Variants in LARS1 observed in about 807,000 individuals in gnomAD.
The protein encoded by LARS1 is leucine--tRNA ligase, cytoplasmic.
In LARS1, 100 loss-of-function variants were observed where a neutral mutation model predicts 162.8. The observed-to-expected ratio is 0.61, with a 90% CI of 0.52 to 0.73. LARS1 has a LOEUF of 0.73. Ranked by LOEUF, LARS1 falls within the 30% of genes least tolerant of loss-of-function variation. The pLI is 0.00. For synonymous variants in LARS1, 457 were observed against 462.8 expected (o/e 0.99, Z 0.16); for missense variants, 1,258 against 1,408.9 (o/e 0.89, Z 1.71).
chr5:146,163,541 C>G (rs973342045), intron 6 of LARS1, among the ~76,000 whole-genome samples: 3 of 152,036 alleles, frequency 2.0e-5, no homozygotes, highest in Non-Finnish European at 4.4e-5. Context: ...CAAAAATTAG[C>G]CAGGCGTGTT....
rs1418313474 is a variant in LARS1, at chr5:146,159,406, C to A, written c.771+1G>T. The A allele has an allele frequency of 1.9e-6, 3 of 1,606,248 alleles. No individual in the cohort carries two copies. The highest frequency in any genetic ancestry group is 2.6e-6 in the Non-Finnish European group (3 of 1,173,120). Reference sequence around the variant, plus strand: ...AGCTACTCTGTCTCACAAATAATCACCTCTCCAGTTTGTCTATCATGATCC... The same window carrying A: ...AGCTACTCTGTCTCACAAATAATCAACTCTCCAGTTTGTCTATCATGATCC... On this transcript the variant is annotated splice_donor_variant, in intron 8 of 31. Coordinates refer to ENST00000394434, the MANE Select transcript of LARS1 (RefSeq NM_020117.11). LOFTEE classifies it high-confidence loss of function.
At chr5:146,142,646 G>A (rs527985570) in intron 20 of LARS1, 57 of 467,016 alleles carry the variant, frequency 1.2e-4, no homozygotes, top group South Asian at 2.1e-4. Flanking sequence ...GACCAGCAAT[G>A]CACCTGAGAT....
intron 1 of LARS1, among the ~76,000 whole-genome samples, chr5:146,178,585 G>A (rs1413953541): frequency 1.3e-5 from 2 of 150,948 alleles, no homozygotes; most frequent in East Asian, 1.9e-4. Context: ...TTGCACTCCA[G>A]CCTGGGCAAC....
At chr5:146,165,560 T>C (rs1753969267) in intron 5 of LARS1, among the ~76,000 whole-genome samples, 1 of 151,810 alleles carries the variant, frequency 6.6e-6, no homozygotes, top group South Asian at 2.1e-4. Flanking sequence ...GTAAATTTTA[T>C]GGTATGTAAA....
At chr5:146,168,700 A>T (rs944226192) in intron 4 of LARS1, among the ~76,000 whole-genome samples, 6 of 152,240 alleles carry the variant, frequency 3.9e-5, no homozygotes, top group Admixed American at 1.3e-4. Flanking sequence ...TCAAAAAAAT[A>T]AAATTAAATT....
chr5:146,130,147 A>G lies in LARS1; in HGVS notation c.2499T>C (p.Asp833=). ...TGFFEFQAAK[D]KYRELAVEGM... is the part of the protein sequence containing the mutation. ...CTTCCACAGCCAATTCACGGTACTTATCTTTTGCGGCCTATAAAATTTGAA... is the reference window on the plus strand; with the variant it reads ...CTTCCACAGCCAATTCACGGTACTTGTCTTTTGCGGCCTATAAAATTTGAA... The change falls in exon 25 of 32, where the codon GAT becomes GAC. Residue 833 remains aspartate, a synonymous_variant. Coordinates refer to ENST00000394434, the MANE Select transcript of LARS1 (RefSeq NM_020117.11). 6.2e-7 allele frequency: 1 copy of G among 1,612,960 alleles called. No individual in the cohort carries two copies. Among genetic ancestry groups the G allele is most frequent in the South Asian group, 1.1e-5 (1 of 90,832 alleles).
chr5:146,150,345 C>A (rs1013402929), intron 14 of LARS1, among the ~76,000 whole-genome samples: 3 of 152,172 alleles, frequency 2.0e-5, no homozygotes, highest in Admixed American at 2.0e-4. Flanking sequence ...TTGTTTCTAT[C>A]TTAGGTAGAA....
chr5:146,128,884 T>C (rs1752154938), intron 26 of LARS1, 94 bp downstream of exon 26: 7 of 1,442,332 alleles, frequency 4.9e-6, no homozygotes, highest in Non-Finnish European at 6.6e-6. Context: ...TCACCATTAA[T>C]GAAAATCTTT....
intron 10 of LARS1, among the ~76,000 whole-genome samples, chr5:146,156,610 G>A (rs773534082): frequency 2.0e-5 from 3 of 151,898 alleles, no homozygotes; most frequent in South Asian, 2.1e-4. Flanking sequence ...CAGGAGAATC[G>A]TTTGAACTCA....
intron 7 of LARS1, among the ~76,000 whole-genome samples, chr5:146,159,941 T>C (rs913917375): frequency 1.3e-5 from 2 of 152,092 alleles, no homozygotes; most frequent in Admixed American, 1.3e-4. Context: ...ACATAATCTT[T>C]AGTAAGATAA....
intron 21 of LARS1, chr5:146,139,660 C>T (rs1175623964): frequency 3.9e-5 from 6 of 152,658 alleles, no homozygotes; most frequent in African/African-American, 1.5e-4. Flanking sequence ...ATCATGAGAT[C>T]AGGAGACTGA....
intron 15 of LARS1, among the ~76,000 whole-genome samples, chr5:146,147,925 G>A (rs1753091207): frequency 6.6e-6 from 1 of 152,096 alleles, no homozygotes; most frequent in South Asian, 2.1e-4. Context: ...TCCAAAGTCA[G>A]GGGAAACAAG....
Position 146,173,746 on chromosome 5 carries a change from T to G in LARS1, c.126-972A>C, listed in dbSNP as rs964327003. ...ATCTGACTTATGAATCCACTGAAACTACCTGTTTCCTCTCTACTGTCCCAC... is the reference window on the plus strand; with the variant it reads ...ATCTGACTTATGAATCCACTGAAACGACCTGTTTCCTCTCTACTGTCCCAC... On this transcript the variant is annotated intron_variant, in intron 2 of 31. Transcript: ENST00000394434. 2.2e-4 allele frequency among the ~76,000 whole-genome samples: 33 copies of G among 152,172 alleles called. No homozygotes were observed. In the East Asian group the frequency reaches 5.4e-3, roughly 25 times the overall value.
At chr5:146,127,541 G>A (rs1019319574) in intron 27 of LARS1, among the ~76,000 whole-genome samples, 1 of 152,026 alleles carries the variant, frequency 6.6e-6, no homozygotes, top group African/African-American at 2.4e-5. Flanking sequence ...AAGAACAGAG[G>A]TGATGCATTT....
rs761993281 is a variant in LARS1 at position 146,135,605 on chromosome 5, T to C, written c.2208A>G (p.Ala736=). ...TLTQAIDKFS[A]DGMRLALADA... ...ATAAGAAAAATGTTTACTCACCATC[T>C]GCTGAAAATTTGTCAATAGCTTGGG... Residue 736 remains alanine, a synonymous_variant, in exon 22 of 32, where the codon GCA becomes GCG. Transcript: ENST00000394434. 2 of 1,602,398 alleles carry C rather than the reference T, an allele frequency of 1.2e-6. No individual in the cohort carries two copies. The highest frequency in any genetic ancestry group is 3.4e-5 in the Admixed American group (2 of 58,046).
intron 31 of LARS1, among the ~76,000 whole-genome samples, chr5:146,118,128 C>A (rs528735319): frequency 4.6e-5 from 7 of 152,264 alleles, no homozygotes; most frequent in African/African-American, 1.7e-4. Flanking sequence ...AAGTGTCCAT[C>A]AACGGATGAA....
At chr5:146,176,753 T>C (rs1401719025) in intron 2 of LARS1, among the ~76,000 whole-genome samples, 3 of 152,172 alleles carry the variant, frequency 2.0e-5, no homozygotes, top group Admixed American at 1.3e-4. Context: ...TTTAAATCAG[T>C]ATTATTTTAG....
intron 28 of LARS1, among the ~76,000 whole-genome samples, chr5:146,124,452 T>A (rs1751961486): frequency 6.6e-6 from 1 of 151,774 alleles, no homozygotes; most frequent in African/African-American, 2.4e-5. Flanking sequence ...AATATCCCTT[T>A]AAGTTACCCA....
At position 146,122,473 on chromosome 5, in the gene LARS1, T is replaced by A. The variant is rs759478948; in HGVS notation, c.3192+19A>T. ...CTGGTTTTAAAATGCAATGATTCAG[T>A]GAGATTCCTTCAACTTACTTCTATT... On this transcript the variant is annotated intron_variant, in intron 30 of 31. Transcript: ENST00000394434. The A allele has an allele frequency of 1.5e-6, 2 of 1,341,150 alleles. No homozygotes were observed. Among genetic ancestry groups the A allele is most frequent in the South Asian group, 2.4e-5 (2 of 83,438 alleles). 83.1% of individuals were successfully genotyped at this position (1,341,150 alleles called of 1,614,324 possible). A position where few individuals can be genotyped will look rare whatever the true frequency, so the allele number is the denominator to read the frequency against.
Sources: gnomAD v4.1 joint callset for allele counts (sites outside exome capture counted in the v4.1 genomes callset) on GRCh38, gnomAD v4.1.1 for gene constraint, MANE v1.5 for transcripts, NCBI Gene and HGNC (gene_info 2026-07-23, HGNC 2026-07-21) for gene names.